The following APPBP2 variants were observed in gnomAD, a reference collection of about 807,000 sequenced individuals.
The protein encoded by APPBP2 is amyloid beta precursor protein binding protein 2.
Under a neutral mutation model 76.0 loss-of-function variants are expected in APPBP2, and 15 were observed. The ratio of observed to expected loss-of-function variants is 0.20; its 90% CI spans 0.13 to 0.30. The LOEUF is 0.30. Among genes scored for constraint, APPBP2 ranks in the 10% least tolerant of loss-of-function variants. The pLI is 1.00. For missense variants in APPBP2, 401 were observed against 687.2 expected (o/e 0.58, Z 4.66); for synonymous variants, 222 against 242.2 (o/e 0.92, Z 0.77).
At chr17:60,480,836 G>A (rs1242941624) in intron 3 of APPBP2, among the ~76,000 whole-genome samples, 2 of 152,154 alleles carry the variant, frequency 1.3e-5, no homozygotes, top group Non-Finnish European at 2.9e-5. Context: ...AGGCACTGGA[G>A]AAATGGGCTG....
At chr17:60,499,341 A>G (rs1238083081) in intron 2 of APPBP2, among the ~76,000 whole-genome samples, 6 of 151,994 alleles carry the variant, frequency 3.9e-5, no homozygotes, top group Admixed American at 2.0e-4. Context: ...TCAAAAAAAA[A>G]AAAAATATGG....
chr17:60,447,478 GT>G lies in APPBP2; in HGVS notation c.*102del, dbSNP rs2090357835. On this transcript the variant is annotated 3_prime_UTR_variant, in exon 13 of 13. Coordinates refer to ENST00000083182, the MANE Select transcript of APPBP2 (RefSeq NM_006380.5). Reference sequence around the variant, plus strand: ...AGGGTCTTCAATGGACTGGACCAGTGTTTCAATGCAAATTCCAGCCCCCCAA... The same window carrying G: ...AGGGTCTTCAATGGACTGGACCAGTGTTCAATGCAAATTCCAGCCCCCCAA... 5.5e-5 allele frequency: 76 copies of G among 1,375,004 alleles called. No individual in the cohort carries two copies. The highest frequency in any genetic ancestry group is 7.1e-5 in the Non-Finnish European group (72 of 1,015,006). 85.2% of individuals were successfully genotyped at this position (1,375,004 alleles called of 1,614,324 possible).
At chr17:60,524,610 GAAAAAAAA>G (rs35185909) in intron 1 of APPBP2, among the ~76,000 whole-genome samples, 752 of 49,946 alleles carry the variant, frequency 0.015, 7 homozygotes, top group Admixed American at 0.028. Flanking sequence ...TGCTAATTCT[GAAAAAAAA>G]AAAAAAAAAA....
In APPBP2 at chr17:60,500,391, G is replaced by C. The variant is rs1343674258; in HGVS notation, c.227+8C>G. ...GTATATTTTACAATTTTTTAAAAAA[G>C]AATTTACCTTTTATCCAAAGCTCTC... On this transcript the variant is annotated splice_region_variant and intron_variant, in intron 2 of 12. Coordinates refer to ENST00000083182, the MANE Select transcript of APPBP2 (RefSeq NM_006380.5). 6.4e-7 allele frequency: 1 copy of C among 1,570,924 alleles called. No individual in the cohort carries two copies. Among genetic ancestry groups the C allele is most frequent in the Admixed American group, 1.9e-5 (1 of 53,584 alleles).
At chr17:60,520,833 A>AT (rs890486757) in intron 1 of APPBP2, among the ~76,000 whole-genome samples, 1 of 152,074 alleles carries the variant, frequency 6.6e-6, no homozygotes, top group Admixed American at 6.6e-5. Context: ...AACTGTTGGG[A>AT]TTACAGGTGT....
chr17:60,519,621 C>T (rs1333966106), intron 1 of APPBP2, among the ~76,000 whole-genome samples: 1 of 151,602 alleles, frequency 6.6e-6, no homozygotes, highest in Admixed American at 6.6e-5. Context: ...TATGATTATG[C>T]CACTGCACTA....
intron 1 of APPBP2, 32 bp downstream of exon 1, chr17:60,525,759 TGGA>T (rs765827217): frequency 1.9e-6 from 3 of 1,611,360 alleles, no homozygotes; most frequent in Non-Finnish European, 2.5e-6. Context: ...CCGGGGTTGC[TGGA>T]GGAGAGCAGA....
intron 4 of APPBP2, 103 bp from the exon 5 acceptor site, chr17:60,466,562 A>G: frequency 8.8e-7 from 1 of 1,141,194 alleles, no homozygotes; most frequent in Non-Finnish European, 1.2e-6. Flanking sequence ...ATTAAATACA[A>G]TTACAAGGCA....
chr17:60,500,652 T>C lies in APPBP2; in HGVS notation c.139-165A>G, dbSNP rs142197248. On this transcript the variant is annotated intron_variant, in intron 1 of 12. Coordinates refer to ENST00000083182, the MANE Select transcript of APPBP2 (RefSeq NM_006380.5). Reference sequence around the variant, plus strand: ...AATTCATATAAAAATATTTTAATAGTTGCATATAATCGTTACAAATTGGTA... The same window carrying C: ...AATTCATATAAAAATATTTTAATAGCTGCATATAATCGTTACAAATTGGTA... Among the ~76,000 whole-genome samples, 1,462 of 152,242 alleles carry C rather than the reference T, an allele frequency of 9.6e-3. 16 individuals carry two copies. Among genetic ancestry groups the C allele is most frequent in the African/African-American group, 0.032 (1,325 of 41,552 alleles).
chr17:60,505,986 C>T (rs926948446), intron 1 of APPBP2, among the ~76,000 whole-genome samples: 1 of 146,610 alleles, frequency 6.8e-6, no homozygotes, highest in Admixed American at 6.8e-5. Context: ...CCTGGCCTTT[C>T]TTTTTTTTTT....
intron 4 of APPBP2, among the ~76,000 whole-genome samples, chr17:60,477,209 G>A (rs1257748024): frequency 6.6e-6 from 1 of 152,204 alleles, no homozygotes; most frequent in Non-Finnish European, 1.5e-5. Context: ...GAAGGAGACT[G>A]ACTTGTCTTG....
chr17:60,507,755 T>C (rs2090880110), intron 1 of APPBP2, among the ~76,000 whole-genome samples: 1 of 152,212 alleles, frequency 6.6e-6, no homozygotes, highest in Non-Finnish European at 1.5e-5. Context: ...TTTCACACAG[T>C]TGACTACTGC....
chr17:60,465,363 C>T (rs1471976480), intron 5 of APPBP2, among the ~76,000 whole-genome samples: 5 of 152,200 alleles, frequency 3.3e-5, no homozygotes, highest in African/African-American at 1.2e-4. Context: ...ATAACCTAGC[C>T]TATCCTAACA....
intron 4 of APPBP2, among the ~76,000 whole-genome samples, chr17:60,474,779 C>T (rs115065995): frequency 2.0e-4 from 30 of 152,192 alleles, no homozygotes; most frequent in African/African-American, 7.2e-4. Context: ...ATTACAAATT[C>T]TCAATTTGTT....
At chr17:60,508,308 C>T (rs2090885632) in intron 1 of APPBP2, among the ~76,000 whole-genome samples, 1 of 152,104 alleles carries the variant, frequency 6.6e-6, no homozygotes, top group Non-Finnish European at 1.5e-5. Flanking sequence ...TTGCTAGTAA[C>T]ACTTCTAGCA....
chr17:60,526,016 G>T lies in APPBP2; in HGVS notation c.-85C>A. ...CCGTAGCGAACCCCTCTGCGGCCCCGGAGGATTCGGAGGGGCGGTGGCAGC... is the reference window on the plus strand; with the variant it reads ...CCGTAGCGAACCCCTCTGCGGCCCCTGAGGATTCGGAGGGGCGGTGGCAGC... On this transcript the variant is annotated 5_prime_UTR_variant, in exon 1 of 13. Coordinates refer to ENST00000083182, the MANE Select transcript of APPBP2 (RefSeq NM_006380.5). 7.5e-7 allele frequency: 1 copy of T among 1,335,774 alleles called. No homozygotes were observed. Among genetic ancestry groups the T allele is most frequent in the Non-Finnish European group, 1.0e-6 (1 of 982,838 alleles). The allele number at this position is 1,335,774 out of a possible 1,614,324, so 82.7% of individuals were successfully genotyped here.
At chr17:60,520,746 G>C (rs1389097494) in intron 1 of APPBP2, among the ~76,000 whole-genome samples, 1 of 151,910 alleles carries the variant, frequency 6.6e-6, no homozygotes, top group Non-Finnish European at 1.5e-5. Flanking sequence ...TTTTTTTAAA[G>C]AGATGGAGTC....
intron 4 of APPBP2, among the ~76,000 whole-genome samples, chr17:60,470,541 C>T (rs777854267): frequency 2.6e-5 from 4 of 152,138 alleles, no homozygotes; most frequent in Non-Finnish European, 5.9e-5. Flanking sequence ...GCTGGGATTA[C>T]AGGTGTGAGC....
At chr17:60,485,538 C>T (rs995796966) in intron 3 of APPBP2, among the ~76,000 whole-genome samples, 10 of 152,140 alleles carry the variant, frequency 6.6e-5, no homozygotes, top group African/African-American at 2.4e-4. Context: ...TCTGTAGGAT[C>T]AGTGGTGATA....
Sources: gnomAD v4.1 joint callset for allele counts (sites outside exome capture counted in the v4.1 genomes callset) on GRCh38, gnomAD v4.1.1 for gene constraint, MANE v1.5 for transcripts, NCBI Gene and HGNC (gene_info 2026-07-23, HGNC 2026-07-21) for gene names.